The following WFDC10B variants were observed in gnomAD, a reference collection of about 807,000 sequenced individuals.
The protein encoded by WFDC10B is protein WFDC10B.
A neutral mutation model predicts 2.7 loss-of-function variants in WFDC10B; 1 was observed. The ratio of observed to expected loss-of-function variants is 0.38; its 90% CI spans 0.13 to 1.79. The LOEUF is 1.79. Ranked by LOEUF, WFDC10B falls within the 40% of genes most tolerant of loss-of-function variation. The pLI, the probability that WFDC10B is intolerant of heterozygous loss-of-function variation, is 0.33. For synonymous variants in WFDC10B, 26 were observed against 32.2 expected, an observed-to-expected ratio of 0.81 and a Z score of 0.65; for missense variants, 71 against 87.8, an observed-to-expected ratio of 0.81 and a Z score of 0.76.
chr20:45,696,029 G>A (rs1387450616), intron 2 of WFDC10B, among the ~76,000 whole-genome samples: 1 of 152,068 alleles, frequency 6.6e-6, no homozygotes, highest in Non-Finnish European at 1.5e-5. Flanking sequence ...GCTCACGCCT[G>A]TAATCCCAGC....
At chr20:45,696,613 C>T (rs1374390225) in intron 2 of WFDC10B, among the ~76,000 whole-genome samples, 3 of 151,992 alleles carry the variant, frequency 2.0e-5, no homozygotes, top group African/African-American at 7.2e-5. Context: ...TAAGAGAATA[C>T]TATGAACAAT....
At chr20:45,701,250 TC>T (rs1984145883) in intron 2 of WFDC10B, among the ~76,000 whole-genome samples, 1 of 152,134 alleles carries the variant, frequency 6.6e-6, no homozygotes, top group African/African-American at 2.4e-5. Context: ...AATGACAGGT[TC>T]TGAGTCCTAC....
rs1204321666 is a variant in WFDC10B, at chr20:45,702,082, G to A, written c.-65+2415C>T. 7.5e-6 allele frequency: 12 copies of A among 1,589,994 alleles called. No homozygotes were observed. In the East Asian group the frequency reaches 2.7e-4, roughly 36 times the overall value. On this transcript the variant is annotated intron_variant, in intron 2 of 3. Coordinates refer to ENST00000330523, the MANE Select transcript of WFDC10B (RefSeq NM_172006.2). Reference sequence around the variant, plus strand: ...TCACAGCAGTGCCTGGTCAAACCCAGCAACCCTTGGCCAGAACTTACTCAC... The same window carrying A: ...TCACAGCAGTGCCTGGTCAAACCCAACAACCCTTGGCCAGAACTTACTCAC...
chr20:45,688,371 G>T (rs1280931545), intron 2 of WFDC10B, among the ~76,000 whole-genome samples: 7 of 152,014 alleles, frequency 4.6e-5, no homozygotes, highest in East Asian at 1.9e-4. Context: ...ATTATTTATA[G>T]TCCTTTGGGT....
Position 45,704,917 on chromosome 20 carries a change from C to G in WFDC10B, c.-130+1G>C. 1 of 1,613,962 alleles carries G rather than the reference C, an allele frequency of 6.2e-7. No individual in the cohort carries two copies. The highest frequency in any genetic ancestry group is 1.1e-5 in the South Asian group (1 of 91,074). On this transcript the variant is annotated splice_donor_variant, in intron 1 of 3. Coordinates refer to ENST00000330523, the MANE Select transcript of WFDC10B (RefSeq NM_172006.2). LOFTEE classifies it low-confidence loss of function (5UTR_SPLICE). ...CCACCCTTATCCCAGGGACACTGTA[C>G]CTGCAGGTGTAACCAAAATCCCAAA...
chr20:45,701,310 GGAAGT>G (rs1984150634), intron 2 of WFDC10B, among the ~76,000 whole-genome samples: 1 of 152,140 alleles, frequency 6.6e-6, no homozygotes, highest in Admixed American at 6.5e-5. Flanking sequence ...TACGAAATAG[GGAAGT>G]GAAGAGTCAA....
At chr20:45,699,914 T>C (rs778518645) in intron 2 of WFDC10B, among the ~76,000 whole-genome samples, 1 of 152,186 alleles carries the variant, frequency 6.6e-6, no homozygotes. Context: ...CCTGACATCA[T>C]GATCTGCCCT....
At chr20:45,688,615 T>C (rs1045557562) in intron 2 of WFDC10B, among the ~76,000 whole-genome samples, 4 of 152,176 alleles carry the variant, frequency 2.6e-5, no homozygotes, top group Non-Finnish European at 5.9e-5. Flanking sequence ...TTTTTTCATG[T>C]GTTTTTTGGC....
chr20:45,690,131 C>T (rs1159587735), intron 2 of WFDC10B, among the ~76,000 whole-genome samples: 1 of 152,050 alleles, frequency 6.6e-6, no homozygotes, highest in African/African-American at 2.4e-5. Context: ...TGTTTATATG[C>T]TGGATTACAT....
At chr20:45,687,522 T>C (rs1413665593) in intron 2 of WFDC10B, among the ~76,000 whole-genome samples, 1 of 152,220 alleles carries the variant, frequency 6.6e-6, no homozygotes, top group Non-Finnish European at 1.5e-5. Context: ...TTTGGGTATA[T>C]ACCCAGTAAT....
At position 45,704,881 on chromosome 20, in the gene WFDC10B, C is replaced by T. The variant is rs192220970; in HGVS notation, c.-130+37G>A. ...ATGCCTTTATCCACAGACCTTCCCC[C>T]GACCCAGAATCCACCCTTATCCCAG... On this transcript the variant is annotated intron_variant, in intron 1 of 3. Coordinates refer to ENST00000330523, the MANE Select transcript of WFDC10B (RefSeq NM_172006.2). 5.0e-4 allele frequency: 805 copies of T among 1,605,146 alleles called. 3 individuals carry two copies. The African/African-American group carries it at 9.1e-3, about 18-fold the overall frequency.
At chr20:45,702,383 T>C (rs906279363) in intron 2 of WFDC10B, among the ~76,000 whole-genome samples, 1 of 152,224 alleles carries the variant, frequency 6.6e-6, no homozygotes, top group African/African-American at 2.4e-5. Flanking sequence ...CTGAGTGACC[T>C]TGGGCATAGT....
intron 2 of WFDC10B, among the ~76,000 whole-genome samples, chr20:45,693,098 AC>A (rs1170816040): frequency 6.6e-6 from 1 of 152,108 alleles, no homozygotes; most frequent in Non-Finnish European, 1.5e-5. Context: ...TCCACTCCAG[AC>A]CCTGTTTGCC....
chr20:45,695,065 T>C (rs1033392595), intron 2 of WFDC10B, among the ~76,000 whole-genome samples: 6 of 152,174 alleles, frequency 3.9e-5, no homozygotes, highest in Non-Finnish European at 8.8e-5. Context: ...TGATAAACCT[T>C]AAGTAAAGTG....
intron 2 of WFDC10B, among the ~76,000 whole-genome samples, chr20:45,687,282 C>T (rs1983651531): frequency 6.6e-6 from 1 of 152,142 alleles, no homozygotes; most frequent in Non-Finnish European, 1.5e-5. Flanking sequence ...TCTGTTCCTC[C>T]ATTAGTTTGC....
chr20:45,693,537 C>A (rs1056493161), intron 2 of WFDC10B, among the ~76,000 whole-genome samples: 1 of 152,164 alleles, frequency 6.6e-6, no homozygotes, highest in South Asian at 2.1e-4. Context: ...CAATGGTGGG[C>A]GCCCCTCCCC....
intron 3 of WFDC10B, 100 bp downstream of exon 3, chr20:45,685,802 G>A (rs1222076379): frequency 5.9e-6 from 9 of 1,522,654 alleles, no homozygotes; most frequent in African/African-American, 1.4e-5. Context: ...AGCTGGATAT[G>A]CAGAAAGGTT....
At chr20:45,698,827 T>A (rs1984054543) in intron 2 of WFDC10B, among the ~76,000 whole-genome samples, 1 of 151,022 alleles carries the variant, frequency 6.6e-6, no homozygotes, top group African/African-American at 2.4e-5. Flanking sequence ...ATTTGTCAGG[T>A]GTGGGTGGCA....
chr20:45,694,710 G>C (rs1002619073), intron 2 of WFDC10B, among the ~76,000 whole-genome samples: 1 of 152,160 alleles, frequency 6.6e-6, no homozygotes, highest in Non-Finnish European at 1.5e-5. Context: ...TTCATAAGAA[G>C]CCCCTTTCGA....
Sources: allele counts gnomAD v4.1 joint callset (sites outside exome capture counted in the v4.1 genomes callset), GRCh38; gene constraint gnomAD v4.1.1; transcripts MANE v1.5; gene names NCBI Gene and HGNC (gene_info 2026-07-23, HGNC 2026-07-21).